Variants in ABR observed in about 807,000 individuals in gnomAD.
ABR encodes active breakpoint cluster region-related protein.
ABR carries 35 observed loss-of-function variants against 107.2 expected under a neutral mutation model. The observed-to-expected ratio is 0.33, with a 90% CI of 0.25 to 0.43. The LOEUF (loss-of-function observed/expected upper bound fraction) is 0.43. Among genes scored for constraint, ABR ranks in the 20% least tolerant of loss-of-function variants. The pLI, the probability that ABR is intolerant of heterozygous loss-of-function variation, is 1.00. For missense variants in ABR, 815 were observed against 1,115.2 expected (o/e 0.73, Z 3.83); for synonymous variants, 498 against 462.0 (o/e 1.08, Z -1.00).
At chr17:1,129,635 A>T (rs578246103) in intron 1 of ABR, among the ~76,000 whole-genome samples, 1 of 152,170 alleles carries the variant, frequency 6.6e-6, no homozygotes, top group East Asian at 1.9e-4. Context: ...AACTCTCTGC[A>T]ACTTACTCCG....
At chr17:1,207,636 C>T (rs1207961247) in intron 1 of ABR, among the ~76,000 whole-genome samples, 5 of 115,970 alleles carry the variant, frequency 4.3e-5, no homozygotes, top group Admixed American at 1.2e-4. Flanking sequence ...GCAACATGAG[C>T]GAAACTCCGT....
chr17:1,019,243 G>C (rs1029875983), intron 16 of ABR, among the ~76,000 whole-genome samples: 2 of 152,220 alleles, frequency 1.3e-5, no homozygotes, highest in Non-Finnish European at 2.9e-5. Context: ...GCCTCCTCCA[G>C]AGAGCCTTCT....
chr17:1,097,006 G>C (rs1321760529), intron 3 of ABR, among the ~76,000 whole-genome samples: 1 of 151,982 alleles, frequency 6.6e-6, no homozygotes, highest in Non-Finnish European at 1.5e-5. Flanking sequence ...GCTGGGGAAG[G>C]GGGGAACCTG....
At chr17:1,112,290 C>G (rs1221693500) in intron 2 of ABR, among the ~76,000 whole-genome samples, 3 of 152,228 alleles carry the variant, frequency 2.0e-5, no homozygotes, top group African/African-American at 7.2e-5. Flanking sequence ...AGGCAGTGTT[C>G]TCGTTTACCA....
chr17:1,069,684 A>T (rs891138866), intron 9 of ABR, among the ~76,000 whole-genome samples: 1 of 152,076 alleles, frequency 6.6e-6, no homozygotes, highest in East Asian at 1.9e-4. Context: ...AAGAAAAAAA[A>T]CCAACAAAGT....
chr17:1,109,119 C>T (rs1555582721), intron 2 of ABR: 2 of 1,321,012 alleles, frequency 1.5e-6, no homozygotes, highest in Admixed American at 4.2e-5. Flanking sequence ...CACGCAGCGG[C>T]GGCGGGAGGA....
Position 1,205,716 on chromosome 17 carries a change from G to A in ABR, c.838+23077C>T, listed in dbSNP as rs1317640526. 3.3e-5 allele frequency among the ~76,000 whole-genome samples: 5 copies of A among 152,206 alleles called. No homozygotes were observed. The East Asian group carries it at 7.7e-4, about 23-fold the overall frequency. The stretch of plus-strand genomic sequence containing the variant: ...TCCCAGCACTCTGGGAGGCCCAGGC[G>A]GGCAGATCACAAGATCAAGAGACGG... On this transcript the variant is annotated intron_variant, in intron 1 of 22. Transcript: ENST00000574139.
chr17:1,078,635 C>G lies in ABR; in HGVS notation c.700+695G>C, dbSNP rs1175120561. Among the ~76,000 whole-genome samples the G allele has an allele frequency of 1.3e-5, 2 of 152,186 alleles. No homozygotes were observed. The highest frequency in any genetic ancestry group is 1.3e-4 in the Admixed American group (2 of 15,278). On this transcript the variant is annotated intron_variant, in intron 6 of 22. Transcript: ENST00000302538. This position sits in a 1 kb window ranked among gnomAD's most constrained non-coding sequence, Gnocchi z 7.5. ...TTGCAAGCGGCCCTGCTCTGAGCAGCCCCCAGGTTTCAACTCTAGGCTGGA... is the reference window on the plus strand; with the variant it reads ...TTGCAAGCGGCCCTGCTCTGAGCAGGCCCCAGGTTTCAACTCTAGGCTGGA...
intron 16 of ABR, among the ~76,000 whole-genome samples, chr17:1,035,875 A>C (rs531581836): frequency 6.6e-6 from 1 of 150,762 alleles, no homozygotes; most frequent in South Asian, 2.1e-4. Context: ...GGGTCATGCC[A>C]CCCAGCACAG....
chr17:1,056,058 G>A lies in ABR; in HGVS notation c.1538C>T (p.Ala513Val). ...ACTGGCTGATTGCTTAAATCCCTTG[G>A]CAGAGTGGACGATGACATGAAGGAA... is the stretch of plus-strand genomic sequence containing the variant. ...YGFLHVIVHS[A>V]KGFKQSANLY... Residue 513 changes from alanine to valine, a missense_variant, in exon 14 of 23, where the codon GCC (alanine) becomes GTC (valine). Ala to Val is a moderately conservative substitution (Grantham distance 64). Coordinates refer to ENST00000302538, the MANE Select transcript of ABR (RefSeq NM_021962.5). 6.2e-7 allele frequency: 1 copy of A among 1,614,200 alleles called. No individual in the cohort carries two copies. The highest frequency in any genetic ancestry group is 8.5e-7 in the Non-Finnish European group (1 of 1,180,010).
intron 1 of ABR, among the ~76,000 whole-genome samples, chr17:1,172,257 G>C (rs1567856311): frequency 6.6e-6 from 1 of 152,244 alleles, no homozygotes. Flanking sequence ...TGCCCAGGCA[G>C]GGGTGGGATT....
intron 1 of ABR, 144 bp from the exon 2 acceptor site, chr17:1,125,511 G>GGGGCCT (rs1200376325): frequency 6.6e-6 from 5 of 762,006 alleles, no homozygotes; most frequent in Non-Finnish European, 9.5e-6. Flanking sequence ...GGGCTGTGCG[G>GGGGCCT]GGGCCTGGGC....
At chr17:1,090,303 A>G (rs2036932326) in intron 4 of ABR, among the ~76,000 whole-genome samples, 1 of 151,958 alleles carries the variant, frequency 6.6e-6, no homozygotes, top group Non-Finnish European at 1.5e-5. Flanking sequence ...CTCTCGAGCC[A>G]TTCCTCGGAG....
chr17:1,089,769 G>T (rs2036893104), intron 4 of ABR, among the ~76,000 whole-genome samples: 1 of 152,226 alleles, frequency 6.6e-6, no homozygotes, highest in Non-Finnish European at 1.5e-5. Context: ...AGACCAGCCT[G>T]GCCGACATGG....
chr17:1,227,052 C>T (rs930077321), intron 1 of ABR, among the ~76,000 whole-genome samples: 2 of 152,142 alleles, frequency 1.3e-5, no homozygotes, highest in Non-Finnish European at 2.9e-5. Context: ...CTAGCCAAAG[C>T]CGTGAGTGCC....
chr17:1,011,583 T>G lies in ABR; in HGVS notation c.2101+263A>C, dbSNP rs530277980. On this transcript the variant is annotated intron_variant, in intron 19 of 22. Coordinates refer to ENST00000302538, the MANE Select transcript of ABR (RefSeq NM_021962.5). This position sits in a 1 kb window ranked among gnomAD's most constrained non-coding sequence, Gnocchi z 4.8. ...AGACACTGGAGTCAGATCTGAGTTTTAAGTCCAGAACCAAAACCTACAAGT... is the reference window on the plus strand; with the variant it reads ...AGACACTGGAGTCAGATCTGAGTTTGAAGTCCAGAACCAAAACCTACAAGT... The G allele has an allele frequency of 3.0e-6, 1 of 329,744 alleles. No individual in the cohort carries two copies. The highest frequency in any genetic ancestry group is 4.9e-5 in the East Asian group (1 of 20,354). 20.4% of individuals were successfully genotyped at this position (329,744 alleles called of 1,614,324 possible). A position where few individuals can be genotyped will look rare whatever the true frequency, so the allele number is the denominator to read the frequency against.
intron 16 of ABR, among the ~76,000 whole-genome samples, chr17:1,028,942 G>A (rs1048202328): frequency 6.6e-6 from 1 of 152,020 alleles, no homozygotes; most frequent in Non-Finnish European, 1.5e-5. Flanking sequence ...GCGGGGGCAG[G>A]GTGGGGGGGT....
intron 1 of ABR, among the ~76,000 whole-genome samples, chr17:1,206,426 T>G (rs894941557): frequency 6.6e-6 from 1 of 152,234 alleles, no homozygotes; most frequent in Admixed American, 6.5e-5. Context: ...GTTCTTGCTC[T>G]GCCACCCAGG....
At position 1,027,624 on chromosome 17, in the gene ABR, G is replaced by C. The variant is rs1264246780; in HGVS notation, c.1792-14460C>G. Among the ~76,000 whole-genome samples the C allele has an allele frequency of 2.0e-5, 3 of 152,094 alleles. No individual in the cohort carries two copies. Among genetic ancestry groups the C allele is most frequent in the African/African-American group, 7.2e-5 (3 of 41,406 alleles). ...GCCCGACCCCACTGCCAACCTGTCA[G>C]CCAGCCTGGCCGCAGTCAGGACCCA... On this transcript the variant is annotated intron_variant, in intron 16 of 22. Transcript: ENST00000302538. The surrounding 1 kb of genome is among the most constrained non-coding windows in gnomAD (Gnocchi z 4.7).
Sources: gnomAD v4.1 joint callset for allele counts (sites outside exome capture counted in the v4.1 genomes callset) on GRCh38, gnomAD v4.1.1 for gene constraint, Gnocchi (gnomAD v3.1) non-coding constraint, MANE v1.5 for transcripts, NCBI Gene and HGNC (gene_info 2026-07-23, HGNC 2026-07-21) for gene names.